Variants in ZNF736 observed in about 807,000 individuals in gnomAD.
The protein encoded by ZNF736 is KRAB-containing zinc-finger repressor protein.
A neutral mutation model predicts 11.7 loss-of-function variants in ZNF736; 6 were observed. That is an observed-to-expected ratio of 0.51 (90% CI 0.28 to 1.01). The LOEUF (loss-of-function observed/expected upper bound fraction) is 1.01, where lower values mean the gene tolerates loss of function less well. ZNF736 is among the 50% of genes least tolerant of loss of function. ZNF736 has a pLI of 0.09. For synonymous variants in ZNF736, 139 were observed against 164.7 expected (o/e 0.84, Z 1.19); for missense variants, 444 against 496.0 (o/e 0.90, Z 1.00).
At position 64,354,627 on chromosome 7, in the gene ZNF736, A is replaced by C. The variant is rs1789531070; in HGVS notation, c.*5480A>C. ...TTTCTTTTCATAAAACATTCTTTGT[A>C]TAATCACCTCAGAGATTATGAAAGT... On this transcript the variant is annotated 3_prime_UTR_variant, in exon 4 of 4. Coordinates refer to ENST00000423484, the MANE Select transcript of ZNF736 (RefSeq NM_001170905.3). 6.6e-6 allele frequency: 1 copy of C among 152,152 alleles called. No individual in the cohort carries two copies. Among genetic ancestry groups the C allele is most frequent in the African/African-American group, 2.4e-5 (1 of 41,444 alleles). 9.4% of individuals were successfully genotyped at this position (152,152 alleles called of 1,614,324 possible).
rs1789474323 is a variant in ZNF736 at position 64,350,728 on chromosome 7, A to G, written c.*1581A>G. The G allele has an allele frequency of 6.6e-6, 1 of 151,392 alleles. No homozygotes were observed. The highest frequency in any genetic ancestry group is 2.4e-5 in the African/African-American group (1 of 40,998). 9.4% of individuals were successfully genotyped at this position (151,392 alleles called of 1,614,324 possible). A position where few individuals can be genotyped will look rare whatever the true frequency, so the allele number is the denominator to read the frequency against. Reference sequence around the variant, plus strand: ...GGTCTTGAGTATTTGATTGTGGTATAAGATGGATGCAGCCAACAGGCTTTG... The same window carrying G: ...GGTCTTGAGTATTTGATTGTGGTATGAGATGGATGCAGCCAACAGGCTTTG... On this transcript the variant is annotated 3_prime_UTR_variant, in exon 4 of 4. Transcript: ENST00000423484.
chr7:64,329,615 C>G (rs58263972), intron 1 of ZNF736, among the ~76,000 whole-genome samples: 5 of 149,836 alleles, frequency 3.3e-5, no homozygotes, highest in Admixed American at 6.6e-5. Flanking sequence ...TAAATGGAAT[C>G]TCTCTCTCTC....
At chr7:64,331,355 A>G (rs1584269774) in intron 1 of ZNF736, among the ~76,000 whole-genome samples, 4 of 152,284 alleles carry the variant, frequency 2.6e-5, no homozygotes, top group African/African-American at 7.2e-5. Flanking sequence ...TTTACTGCAC[A>G]GTCTCACAAT....
chr7:64,355,739 G>C lies in ZNF736; in HGVS notation c.*6592G>C, dbSNP rs879652954. ...ACTTATTGTCTCCGAGGATAGAAAAGCTGTGTGATGGAAGAACAAAACCAA... is the reference window on the plus strand; with the variant it reads ...ACTTATTGTCTCCGAGGATAGAAAACCTGTGTGATGGAAGAACAAAACCAA... On this transcript the variant is annotated 3_prime_UTR_variant, in exon 4 of 4. Coordinates refer to ENST00000423484, the MANE Select transcript of ZNF736 (RefSeq NM_001170905.3). The C allele has an allele frequency of 6.5e-6, 1 of 154,230 alleles. No individual in the cohort carries two copies. The highest frequency in any genetic ancestry group is 1.5e-5 in the Non-Finnish European group (1 of 68,860). 9.6% of individuals were successfully genotyped at this position (154,230 alleles called of 1,614,324 possible).
At chr7:64,333,776 C>G (rs796205195) in intron 1 of ZNF736, among the ~76,000 whole-genome samples, 73 of 152,154 alleles carry the variant, frequency 4.8e-4, no homozygotes, top group African/African-American at 1.7e-3. Context: ...ATTTTCTTCG[C>G]AGAATTAGAA....
intron 3 of ZNF736, among the ~76,000 whole-genome samples, chr7:64,340,283 G>C (rs1329755495): frequency 6.6e-6 from 1 of 152,196 alleles, no homozygotes; most frequent in Non-Finnish European, 1.5e-5. Flanking sequence ...GCACAGTAAA[G>C]GCCAAGGTCT....
rs751354330 is a variant in ZNF736 at position 64,348,784 on chromosome 7, T to C, written c.921T>C (p.His307=). ...FSDLAKHKII[H]TGDKPYTCNE... is the part of the protein sequence containing the mutation. ...ACCTTGCTAAACATAAGATAATTCA[T>C]ACTGGAGACAAACCCTACACATGTA... The change falls in exon 4 of 4, where the codon CAT becomes CAC. Residue 307 remains histidine, a synonymous_variant. Transcript: ENST00000423484. The C allele has an allele frequency of 6.3e-7, 1 of 1,587,858 alleles. No individual in the cohort carries two copies. The highest frequency in any genetic ancestry group is 1.8e-5 in the Admixed American group (1 of 55,570).
At chr7:64,328,255 T>TTG (rs386410272) in intron 1 of ZNF736, among the ~76,000 whole-genome samples, 2 of 1,264 alleles carry the variant, frequency 1.6e-3, no homozygotes, top group Admixed American at 5.0e-3. Context: ...GTTGTTTTTG[T>TTG]TTTTTTTTTT....
intron 3 of ZNF736, among the ~76,000 whole-genome samples, chr7:64,338,141 TTG>T (rs1467148115): frequency 6.6e-6 from 1 of 152,214 alleles, no homozygotes; most frequent in East Asian, 1.9e-4. Flanking sequence ...CTCACTGTGA[TTG>T]TGTCATTCAT....
intron 3 of ZNF736, among the ~76,000 whole-genome samples, chr7:64,342,889 A>G (rs974904464): frequency 4.6e-5 from 7 of 152,066 alleles, no homozygotes; most frequent in African/African-American, 1.4e-4. Context: ...ATTTTATTCC[A>G]TATTGTACTG....
chr7:64,346,765 C>T (rs1292651751), intron 3 of ZNF736, among the ~76,000 whole-genome samples: 2 of 151,612 alleles, frequency 1.3e-5, no homozygotes, highest in East Asian at 1.9e-4. Flanking sequence ...TTTTGTAGTT[C>T]TACTACACAA....
At chr7:64,346,618 C>T (rs909594567) in intron 3 of ZNF736, among the ~76,000 whole-genome samples, 4 of 152,032 alleles carry the variant, frequency 2.6e-5, no homozygotes, top group African/African-American at 9.7e-5. Flanking sequence ...TCCAGATTCT[C>T]TTCTTGTCTG....
Position 64,348,747 on chromosome 7 carries a change from G to A in ZNF736, c.884G>A (p.Arg295Lys). The A allele has an allele frequency of 6.2e-7, 1 of 1,601,438 alleles. No individual in the cohort carries two copies. Among genetic ancestry groups the A allele is most frequent in the Middle Eastern group, 1.7e-4 (1 of 6,048 alleles). The change falls in exon 4 of 4, where the codon AGG (arginine) becomes AAG (lysine). Residue 295 changes from arginine (R) to lysine (K), a missense_variant. Arg to Lys is a conservative substitution (Grantham distance 26, BLOSUM62 2). Coordinates refer to ENST00000423484, the MANE Select transcript of ZNF736 (RefSeq NM_001170905.3). ...YKCEECNKAY[R>K]WFSDLAKHKI... Reference sequence around the variant, plus strand: ...TGTGAAGAATGTAACAAAGCCTATAGGTGGTTCTCAGACCTTGCTAAACAT... The same window carrying A: ...TGTGAAGAATGTAACAAAGCCTATAAGTGGTTCTCAGACCTTGCTAAACAT...
chr7:64,349,954 G>A lies in ZNF736; in HGVS notation c.*807G>A, dbSNP rs1789464053. ...TTTTCCTGATGAGCTTCTTTTTAGA[G>A]GTGACCTGGCCTTTCTCTCTAGCTG... is the stretch of plus-strand genomic sequence containing the variant. On this transcript the variant is annotated 3_prime_UTR_variant, in exon 4 of 4. Transcript: ENST00000423484. 6.6e-6 allele frequency: 1 copy of A among 152,128 alleles called. No individual in the cohort carries two copies. The highest frequency in any genetic ancestry group is 6.5e-5 in the Admixed American group (1 of 15,284). The allele number at this position is 152,128 out of a possible 1,614,324, so 9.4% of individuals were successfully genotyped here.
chr7:64,331,693 C>G (rs900406241), intron 1 of ZNF736, among the ~76,000 whole-genome samples: 1 of 152,120 alleles, frequency 6.6e-6, no homozygotes, highest in East Asian at 1.9e-4. Flanking sequence ...AAGGTGAGCC[C>G]GGGGTCAATC....
chr7:64,314,159 T>C lies in ZNF736; in HGVS notation c.3+6T>C. The C allele has an allele frequency of 6.4e-7, 1 of 1,551,820 alleles. No homozygotes were observed. The highest frequency in any genetic ancestry group is 8.7e-7 in the Non-Finnish European group (1 of 1,147,230). On this transcript the variant is annotated splice_donor_region_variant and intron_variant, in intron 1 of 3. Coordinates refer to ENST00000423484, the MANE Select transcript of ZNF736 (RefSeq NM_001170905.3). ...CATCTGGAGGCTGGGAAATGGTGAGTGCGTGGAGTGGGTGTCCCGAGAATG... is the reference window on the plus strand; with the variant it reads ...CATCTGGAGGCTGGGAAATGGTGAGCGCGTGGAGTGGGTGTCCCGAGAATG...
chr7:64,353,220 C>T lies in ZNF736; in HGVS notation c.*4073C>T, dbSNP rs1316878402. Reference sequence around the variant, plus strand: ...GGGTTTCTAGGGTCACACATGCACTCACTGCTTTACTGGGTGGGGAGGTTC... The same window carrying T: ...GGGTTTCTAGGGTCACACATGCACTTACTGCTTTACTGGGTGGGGAGGTTC... On this transcript the variant is annotated 3_prime_UTR_variant, in exon 4 of 4. Transcript: ENST00000423484. 1 of 152,210 alleles carries T rather than the reference C, an allele frequency of 6.6e-6. No homozygotes were observed. The highest frequency in any genetic ancestry group is 2.4e-5 in the African/African-American group (1 of 41,432). 9.4% of individuals were successfully genotyped at this position (152,210 alleles called of 1,614,324 possible). A position where few individuals can be genotyped will look rare whatever the true frequency, so the allele number is the denominator to read the frequency against.
chr7:64,323,654 T>A (rs1789033020), intron 1 of ZNF736, among the ~76,000 whole-genome samples: 1 of 152,108 alleles, frequency 6.6e-6, no homozygotes, highest in Non-Finnish European at 1.5e-5. Flanking sequence ...ACCCAAACGC[T>A]GCATGCTCTC....
intron 1 of ZNF736, among the ~76,000 whole-genome samples, chr7:64,329,955 C>A (rs140051117): frequency 1.3e-5 from 2 of 152,070 alleles, no homozygotes; most frequent in African/African-American, 4.8e-5. Context: ...TAGCTGGCAC[C>A]GAGGCCATGA....
Sources: gnomAD v4.1 joint callset for allele counts (sites outside exome capture counted in the v4.1 genomes callset) on GRCh38, gnomAD v4.1.1 for gene constraint, MANE v1.5 for transcripts, NCBI Gene and HGNC (gene_info 2026-07-23, HGNC 2026-07-21) for gene names.